AMOT: variants seen among roughly 807,000 people sequenced by gnomAD.
The protein encoded by AMOT is angiomotin.
In AMOT, 11 loss-of-function variants were observed where a neutral mutation model predicts 67.0. That is an observed-to-expected ratio of 0.16 (90% CI 0.10 to 0.27). AMOT has a LOEUF of 0.27. Among genes scored for constraint, AMOT ranks in the 10% least tolerant of loss-of-function variants. The pLI is 1.00. For synonymous variants in AMOT, 326 were observed against 321.4 expected, an observed-to-expected ratio of 1.01 and a Z score of -0.15; for missense variants, 753 against 852.0, an observed-to-expected ratio of 0.88 and a Z score of 1.45.
At position 112,812,993 on chromosome X, in the gene AMOT, A is replaced by G. The variant is rs143586392; in HGVS notation, c.1393-1600T>C. On this transcript the variant is annotated intron_variant, in intron 5 of 13. Transcript: ENST00000371959. ...AATGGCATTTAGAGACAAGATCTGCAAGGCCTGCGCCTGATGAAGCTTTTG... is the reference window on the plus strand; with the variant it reads ...AATGGCATTTAGAGACAAGATCTGCGAGGCCTGCGCCTGATGAAGCTTTTG... Among the ~76,000 whole-genome samples, 803 of 112,944 alleles carry G rather than the reference A, an allele frequency of 7.1e-3. 7 individuals carry two copies. The highest frequency in any genetic ancestry group is 0.024 in the African/African-American group (761 of 31,143).
chrX:112,782,896 A>G (rs1430888016), intron 10 of AMOT, among the ~76,000 whole-genome samples: 1 of 111,756 alleles, frequency 8.9e-6, no homozygotes, highest in African/African-American at 3.3e-5. Context: ...TCAGTGAGGG[A>G]TGAGATATGC....
At position 112,808,466 on chromosome X, in the gene AMOT, A is replaced by G. The variant is rs758788304; in HGVS notation, c.1630+1428T>C. ...TCTCCTGCCACAGTTCCAACCATACAGGACCCTGTCAGTGTCCCAAGACGA... is the reference window on the plus strand; with the variant it reads ...TCTCCTGCCACAGTTCCAACCATACGGGACCCTGTCAGTGTCCCAAGACGA... On this transcript the variant is annotated intron_variant, in intron 7 of 13. Transcript: ENST00000371959. Among the ~76,000 whole-genome samples the G allele has an allele frequency of 2.7e-5, 3 of 111,911 alleles. No homozygotes were observed. In the South Asian group the frequency reaches 1.1e-3, roughly 43 times the overall value.
chrX:112,799,999 G>A (rs1411445256), intron 8 of AMOT, among the ~76,000 whole-genome samples: 1 of 111,511 alleles, frequency 9.0e-6, no homozygotes, highest in Admixed American at 9.5e-5. Context: ...TTGGGAGGCC[G>A]AGGCGGGTGG....
At chrX:112,833,491 G>C (rs773806116) in intron 1 of AMOT, among the ~76,000 whole-genome samples, 157 of 86,887 alleles carry the variant, frequency 1.8e-3, no homozygotes, top group African/African-American at 6.8e-3. Flanking sequence ...GGGGGGGGGG[G>C]TCATCAAAAT....
intron 5 of AMOT, among the ~76,000 whole-genome samples, chrX:112,814,258 G>A (rs182279374): frequency 0.02 from 2,090 of 105,097 alleles, 59 homozygotes; most frequent in African/African-American, 0.07. Context: ...GGTAACAAGA[G>A]CGAGACTCCG....
Position 112,839,693 on chromosome X carries a change from TCA to T in AMOT, c.-289+757_-289+758del, listed in dbSNP as rs1183707870. On this transcript the variant is annotated intron_variant, in intron 1 of 13. Coordinates refer to ENST00000371959, the MANE Select transcript of AMOT (RefSeq NM_001113490.2). ...TTAGTGGCAATCTACCAGGAACTGC[TCA>T]CAGTCTATTAAAGACTGTTATTTTC... is the stretch of plus-strand genomic sequence containing the variant. Among the ~76,000 whole-genome samples the T allele has an allele frequency of 7.2e-5, 8 of 111,479 alleles. No homozygotes were observed. In the Admixed American group the frequency reaches 7.6e-4, roughly 11 times the overall value.
chrX:112,812,099 G>A (rs1450036127), intron 5 of AMOT, among the ~76,000 whole-genome samples: 5 of 112,097 alleles, frequency 4.5e-5, no homozygotes, highest in African/African-American at 1.6e-4. Flanking sequence ...TAGAAGTAGT[G>A]CCATAAAGTA....
Position 112,825,152 on chromosome X carries a change from G to A in AMOT, c.-143C>T, listed in dbSNP as rs1934812834. 1 of 111,550 alleles carries A rather than the reference G, an allele frequency of 9.0e-6. No homozygotes were observed. The highest frequency in any genetic ancestry group is 1.9e-5 in the Non-Finnish European group (1 of 53,100). 9.2% of individuals were successfully genotyped at this position (111,550 alleles called of 1,213,427 possible). ...TATGAGCAGCTCCAGAAACCGCAAC[G>A]GCAGATTCCCTCTCCCCTAACACTC... On this transcript the variant is annotated 5_prime_UTR_variant, in exon 3 of 14. Transcript: ENST00000371959.
chrX:112,793,740 G>A (rs1041056113), intron 8 of AMOT, among the ~76,000 whole-genome samples: 49 of 111,646 alleles, frequency 4.4e-4, no homozygotes, highest in Non-Finnish European at 7.2e-4. Flanking sequence ...AGGTGAGTTC[G>A]AAGCCTATAT....
intron 1 of AMOT, among the ~76,000 whole-genome samples, chrX:112,836,589 A>G (rs1935135579): frequency 9.0e-6 from 1 of 111,127 alleles, no homozygotes; most frequent in Admixed American, 9.7e-5. Flanking sequence ...CTTGAAAGGA[A>G]CTAGAAAAAA....
chrX:112,814,204 G>A (rs780583263), intron 5 of AMOT, among the ~76,000 whole-genome samples: 2 of 109,734 alleles, frequency 1.8e-5, no homozygotes, highest in East Asian at 5.7e-4. Flanking sequence ...CCCAGGAGGC[G>A]GAAGTTGCAG....
At chrX:112,786,671 A>G (rs760206663) in intron 10 of AMOT, among the ~76,000 whole-genome samples, 2 of 112,231 alleles carry the variant, frequency 1.8e-5, no homozygotes, top group South Asian at 3.7e-4. Context: ...CTATTTTACC[A>G]TCTTTGAGCT....
intron 10 of AMOT, among the ~76,000 whole-genome samples, chrX:112,783,690 C>CGT (rs1933273012): frequency 3.4e-5 from 3 of 89,162 alleles, no homozygotes; most frequent in Admixed American, 1.3e-4. Flanking sequence ...TAAGGAAAAA[C>CGT]ATGTGTGTGT....
rs1180253816 is a variant in AMOT at position 112,776,805 on chromosome X, C to T, written c.*1762G>A. ...ACAGAAATTCAGTAGTTTGTCAAGACTGGACAAGCTACTCCAACCAGGTAC... is the reference window on the plus strand; with the variant it reads ...ACAGAAATTCAGTAGTTTGTCAAGATTGGACAAGCTACTCCAACCAGGTAC... On this transcript the variant is annotated 3_prime_UTR_variant, in exon 14 of 14. Coordinates refer to ENST00000371959, the MANE Select transcript of AMOT (RefSeq NM_001113490.2). 8.9e-6 allele frequency: 1 copy of T among 111,972 alleles called. No homozygotes were observed. The highest frequency in any genetic ancestry group is 1.9e-5 in the Non-Finnish European group (1 of 53,122). The allele number at this position is 111,972 out of a possible 1,213,427, so 9.2% of individuals were successfully genotyped here.
intron 8 of AMOT, among the ~76,000 whole-genome samples, chrX:112,794,404 A>G (rs1299696148): frequency 8.9e-6 from 1 of 111,920 alleles, no homozygotes; most frequent in Non-Finnish European, 1.9e-5. Context: ...ATTTTCCACA[A>G]GGTAGCAAGA....
intron 3 of AMOT, among the ~76,000 whole-genome samples, chrX:112,824,330 T>C (rs1934786790): frequency 9.0e-6 from 1 of 111,557 alleles, no homozygotes. Context: ...TCTTCAGTAA[T>C]TGGTGGAGAA....
At chrX:112,807,803 A>C (rs1000551512) in intron 7 of AMOT, among the ~76,000 whole-genome samples, 2 of 112,388 alleles carry the variant, frequency 1.8e-5, no homozygotes, top group Non-Finnish European at 3.8e-5. Flanking sequence ...TAGTAATGAG[A>C]ATCTGTAGCT....
chrX:112,827,457 T>C (rs928526488), intron 2 of AMOT, among the ~76,000 whole-genome samples: 4 of 112,236 alleles, frequency 3.6e-5, no homozygotes, highest in Non-Finnish European at 5.6e-5. Flanking sequence ...TAACCTTTAA[T>C]CTCCCTGTAG....
At chrX:112,807,429 T>C (rs1386945943) in intron 7 of AMOT, among the ~76,000 whole-genome samples, 2 of 109,086 alleles carry the variant, frequency 1.8e-5, no homozygotes, top group African/African-American at 6.7e-5. Flanking sequence ...AAAGGTAAAA[T>C]ATACAGTTTG....
Sources: gnomAD v4.1 joint callset for allele counts (sites outside exome capture counted in the v4.1 genomes callset) on GRCh38, gnomAD v4.1.1 for gene constraint, MANE v1.5 for transcripts, NCBI Gene and HGNC (gene_info 2026-07-23, HGNC 2026-07-21) for gene names.